CCDC85A: variants seen among roughly 807,000 people sequenced by gnomAD.
The protein encoded by CCDC85A is coiled-coil domain containing 85A.
Under a neutral mutation model 50.2 loss-of-function variants are expected in CCDC85A, and 38 were observed. The observed-to-expected ratio is 0.76, with a 90% confidence interval of 0.58 to 0.99. The LOEUF (loss-of-function observed/expected upper bound fraction) is 0.99, where lower values mean the gene tolerates loss of function less well. CCDC85A is among the 50% of genes least tolerant of loss of function. CCDC85A has a pLI of 0.00. For missense variants in CCDC85A, 820 were observed against 742.0 expected, an observed-to-expected ratio of 1.11 and a Z score of -1.22; for synonymous variants, 366 against 301.4, an observed-to-expected ratio of 1.21 and a Z score of -2.22.
intron 2 of CCDC85A, among the ~76,000 whole-genome samples, chr2:56,248,318 C>G (rs1000885068): frequency 1.6e-4 from 25 of 152,146 alleles, no homozygotes; most frequent in Admixed American, 1.6e-3. Flanking sequence ...TTGCTTACTT[C>G]TGTTATGGGG....
In CCDC85A at chr2:56,245,603, G is replaced by A. The variant is rs142729657; in HGVS notation, c.1240+52163G>A. On this transcript the variant is annotated intron_variant, in intron 2 of 5. Transcript: ENST00000407595. ...TGGTGTTCTGCAAGGGGGACCACTG[G>A]TGGAGGCTTCTATTTGGCCATTTAC... 2.0e-5 allele frequency among the ~76,000 whole-genome samples: 3 copies of A among 152,302 alleles called. No homozygotes were observed. The East Asian group carries it at 5.8e-4, about 29-fold the overall frequency.
intron 2 of CCDC85A, among the ~76,000 whole-genome samples, chr2:56,285,214 G>A (rs1372162236): frequency 6.6e-6 from 1 of 151,032 alleles, no homozygotes; most frequent in African/African-American, 2.4e-5. Context: ...CAATTCACCT[G>A]CCTCGGCCTC....
At chr2:56,342,235 A>G (rs1362861490) in intron 2 of CCDC85A, among the ~76,000 whole-genome samples, 1 of 151,812 alleles carries the variant, frequency 6.6e-6, no homozygotes. Context: ...ACTTTATTGC[A>G]GAACAGGAAA....
chr2:56,308,045 T>C (rs1229822653), intron 2 of CCDC85A, among the ~76,000 whole-genome samples: 2 of 152,218 alleles, frequency 1.3e-5, no homozygotes, highest in Non-Finnish European at 2.9e-5. Context: ...GCTTCCTATT[T>C]CTACTCTCAT....
At chr2:56,232,408 A>T (rs1031149672) in intron 2 of CCDC85A, among the ~76,000 whole-genome samples, 1 of 152,210 alleles carries the variant, frequency 6.6e-6, no homozygotes, top group Non-Finnish European at 1.5e-5. Flanking sequence ...GTCCCCACAC[A>T]AATCTCACCT....
At chr2:56,331,953 C>T (rs1208605880) in intron 2 of CCDC85A, among the ~76,000 whole-genome samples, 1 of 152,226 alleles carries the variant, frequency 6.6e-6, no homozygotes, top group East Asian at 1.9e-4. Flanking sequence ...CCCCGCCCCC[C>T]AGGCTGCTCT....
At chr2:56,296,939 A>T (rs1212361792) in intron 2 of CCDC85A, among the ~76,000 whole-genome samples, 4 of 152,174 alleles carry the variant, frequency 2.6e-5, no homozygotes, top group East Asian at 3.8e-4. Context: ...ATGAAATAAG[A>T]CTTTTGAAAA....
At chr2:56,291,957 G>A (rs2104148934) in intron 2 of CCDC85A, among the ~76,000 whole-genome samples, 1 of 152,196 alleles carries the variant, frequency 6.6e-6, no homozygotes, top group Middle Eastern at 3.4e-3. Flanking sequence ...CACTACAGTG[G>A]TATTTAAAGA....
intron 2 of CCDC85A, among the ~76,000 whole-genome samples, chr2:56,253,114 C>T (rs1451472562): frequency 6.6e-6 from 1 of 152,126 alleles, no homozygotes; most frequent in Admixed American, 6.6e-5. Context: ...AGCAAACTTG[C>T]ACAAACTCAA....
intron 2 of CCDC85A, among the ~76,000 whole-genome samples, chr2:56,241,934 A>G (rs558220029): frequency 2.0e-5 from 3 of 152,202 alleles, no homozygotes; most frequent in Non-Finnish European, 4.4e-5. Flanking sequence ...GAACTAATTT[A>G]CATTCCCACC....
At chr2:56,372,247 TG>T (rs1676110058) in intron 3 of CCDC85A, 96 bp from the exon 4 acceptor site, 1 of 1,249,602 alleles carries the variant, frequency 8.0e-7, no homozygotes. Context: ...GTGGTCATTG[TG>T]GTTCATCTCA....
chr2:56,221,832 CT>C (rs1668340434), intron 2 of CCDC85A, among the ~76,000 whole-genome samples: 2 of 151,982 alleles, frequency 1.3e-5, no homozygotes, highest in African/African-American at 4.8e-5. Context: ...TTTTCTGCTG[CT>C]ATAATAGAAT....
At chr2:56,270,419 C>A (rs1435597612) in intron 2 of CCDC85A, among the ~76,000 whole-genome samples, 1 of 152,076 alleles carries the variant, frequency 6.6e-6, no homozygotes, top group African/African-American at 2.4e-5. Flanking sequence ...AAAATGTGAT[C>A]ATAATATGCC....
intron 1 of CCDC85A, among the ~76,000 whole-genome samples, chr2:56,189,956 G>A (rs1676229318): frequency 1.3e-5 from 2 of 152,152 alleles, no homozygotes; most frequent in Non-Finnish European, 1.5e-5. Flanking sequence ...AAGGAGAGGT[G>A]GGAATTAGAA....
chr2:56,265,008 C>A (rs1670375854), intron 2 of CCDC85A, among the ~76,000 whole-genome samples: 1 of 152,172 alleles, frequency 6.6e-6, no homozygotes, highest in Non-Finnish European at 1.5e-5. Context: ...AACACAGTAA[C>A]AACAGCCCCC....
intron 2 of CCDC85A, among the ~76,000 whole-genome samples, chr2:56,201,060 A>G (rs1352587726): frequency 7.0e-6 from 1 of 143,578 alleles, no homozygotes; most frequent in African/African-American, 2.6e-5. Flanking sequence ...AACTATTTCA[A>G]TTATTTCATC....
intron 3 of CCDC85A, among the ~76,000 whole-genome samples, chr2:56,367,942 A>G (rs1049925696): frequency 6.6e-6 from 1 of 152,194 alleles, no homozygotes; most frequent in Admixed American, 6.5e-5. Flanking sequence ...GAGGAAACTA[A>G]GGCACAGAAA....
At chr2:56,249,679 C>A (rs1669669184) in intron 2 of CCDC85A, among the ~76,000 whole-genome samples, 1 of 152,216 alleles carries the variant, frequency 6.6e-6, no homozygotes, top group Admixed American at 6.5e-5. Flanking sequence ...TATCAATTTT[C>A]TTTGCCTTCT....
chr2:56,260,716 A>G (rs971255525), intron 2 of CCDC85A, among the ~76,000 whole-genome samples: 18 of 152,178 alleles, frequency 1.2e-4, no homozygotes, highest in African/African-American at 4.1e-4. Flanking sequence ...TGGAATGTAT[A>G]TGTGTATGGT....
Sources: gnomAD v4.1 joint callset for allele counts (sites outside exome capture counted in the v4.1 genomes callset) on GRCh38, gnomAD v4.1.1 for gene constraint, MANE v1.5 for transcripts, NCBI Gene and HGNC (gene_info 2026-07-23, HGNC 2026-07-21) for gene names.